The following JAM2 variants were observed in gnomAD, a reference collection of about 807,000 sequenced individuals.
JAM2 encodes junctional adhesion molecule B.
A neutral mutation model predicts 42.0 loss-of-function variants in JAM2; 17 were observed. The ratio of observed to expected loss-of-function variants is 0.40; its 90% CI spans 0.28 to 0.61. The LOEUF (loss-of-function observed/expected upper bound fraction) is 0.61. JAM2 is among the 20% of genes least tolerant of loss of function. The pLI, the probability that JAM2 is intolerant of heterozygous loss-of-function variation, is 0.37. For synonymous variants in JAM2, 118 were observed against 128.6 expected (o/e 0.92, Z 0.56); for missense variants, 319 against 358.3 (o/e 0.89, Z 0.89).
chr21:25,649,303 G>C (rs2032704182), intron 1 of JAM2, among the ~76,000 whole-genome samples: 1 of 152,194 alleles, frequency 6.6e-6, no homozygotes, highest in Non-Finnish European at 1.5e-5. Flanking sequence ...AGTTTCGCAT[G>C]GCTGGGGAGG....
chr21:25,683,781 A>G, intron 1 of JAM2, 102 bp from the exon 2 acceptor site: 1 of 785,628 alleles, frequency 1.3e-6, no homozygotes, highest in East Asian at 2.8e-5. Flanking sequence ...TAAACTTGTC[A>G]CCAAACTTTA....
intron 1 of JAM2, among the ~76,000 whole-genome samples, chr21:25,682,083 G>T (rs769518314): frequency 3.9e-5 from 6 of 152,204 alleles, no homozygotes; most frequent in Non-Finnish European, 8.8e-5. Flanking sequence ...ATACAATAAG[G>T]AATGGGCTCA....
In JAM2 at chr21:25,715,308, G is replaced by T. The variant is rs1473279594; in HGVS notation, c.*636G>T. The T allele has an allele frequency of 6.6e-6, 1 of 152,216 alleles. No homozygotes were observed. The highest frequency in any genetic ancestry group is 1.5e-5 in the Non-Finnish European group (1 of 68,040). 9.4% of individuals were successfully genotyped at this position (152,216 alleles called of 1,614,324 possible). ...CCCACAGGTGTGCACCACAGGATTT[G>T]CCTGGTGTGTGTCACTGATTTCTTC... On this transcript the variant is annotated 3_prime_UTR_variant, in exon 10 of 10. Coordinates refer to ENST00000480456, the MANE Select transcript of JAM2 (RefSeq NM_021219.4).
chr21:25,682,185 C>T (rs1029113981), intron 1 of JAM2, among the ~76,000 whole-genome samples: 1 of 152,204 alleles, frequency 6.6e-6, no homozygotes, highest in Non-Finnish European at 1.5e-5. Context: ...AGGCGACAGA[C>T]TTGCACTTGT....
intron 1 of JAM2, among the ~76,000 whole-genome samples, chr21:25,660,784 T>TATATATA (rs2033066688): frequency 1.6e-4 from 4 of 25,506 alleles, no homozygotes; most frequent in East Asian, 1.8e-3. Flanking sequence ...ATATATATAT[T>TATATATA]TTTTTTTTTT....
intron 1 of JAM2, among the ~76,000 whole-genome samples, chr21:25,657,265 C>T (rs1490267848): frequency 1.3e-5 from 2 of 152,154 alleles, no homozygotes; most frequent in Non-Finnish European, 2.9e-5. Context: ...GCTTCTGCCT[C>T]CAACTCCCAA....
At chr21:25,710,720 G>C (rs1001768289) in intron 8 of JAM2, among the ~76,000 whole-genome samples, 2 of 152,214 alleles carry the variant, frequency 1.3e-5, no homozygotes, top group Non-Finnish European at 2.9e-5. Flanking sequence ...AGCGGTGGGG[G>C]CAGATTGTAA....
Position 25,712,397 on chromosome 21 carries a change from A to G in JAM2, c.864+15A>G. ...TGAGTGAAAATGTGAGTATCTTTAAAGCATATTTATAGAATGAATATGTTT... is the reference window on the plus strand; with the variant it reads ...TGAGTGAAAATGTGAGTATCTTTAAGGCATATTTATAGAATGAATATGTTT... On this transcript the variant is annotated intron_variant, in intron 9 of 9. Coordinates refer to ENST00000480456, the MANE Select transcript of JAM2 (RefSeq NM_021219.4). 1 of 1,547,282 alleles carries G rather than the reference A, an allele frequency of 6.5e-7. No individual in the cohort carries two copies. The highest frequency in any genetic ancestry group is 1.7e-5 in the Admixed American group (1 of 59,534).
intron 1 of JAM2, among the ~76,000 whole-genome samples, chr21:25,674,895 G>A (rs1379903745): frequency 1.3e-5 from 2 of 151,620 alleles, no homozygotes; most frequent in East Asian, 1.9e-4. Context: ...TAAATACTGG[G>A]TGGCATTATT....
chr21:25,653,822 T>C (rs2032848858), intron 1 of JAM2, among the ~76,000 whole-genome samples: 1 of 152,208 alleles, frequency 6.6e-6, no homozygotes, highest in Non-Finnish European at 1.5e-5. Context: ...CTAATGAGAT[T>C]GTGCCCAAAG....
intron 1 of JAM2, among the ~76,000 whole-genome samples, chr21:25,640,832 T>C (rs549477632): frequency 1.7e-4 from 24 of 140,444 alleles, no homozygotes; most frequent in African/African-American, 5.9e-4. Flanking sequence ...TCTCTTTCTT[T>C]CTGTCTCTCT....
intron 1 of JAM2, among the ~76,000 whole-genome samples, chr21:25,662,101 A>G (rs1351695005): frequency 6.6e-6 from 1 of 152,194 alleles, no homozygotes; most frequent in Non-Finnish European, 1.5e-5. Flanking sequence ...AACCTGTAAC[A>G]TTATCAAAAA....
At chr21:25,711,489 TCTC>T in intron 8 of JAM2, 2 of 434,798 alleles carry the variant, frequency 4.6e-6, no homozygotes, top group South Asian at 3.3e-5. Context: ...CAGTTTGTCA[TCTC>T]CTAATTCCTT....
chr21:25,675,119 C>T (rs911629722), intron 1 of JAM2, among the ~76,000 whole-genome samples: 5 of 151,932 alleles, frequency 3.3e-5, no homozygotes, highest in African/African-American at 1.2e-4. Context: ...TGGAGGAAGG[C>T]GAAGGGGGCA....
intron 9 of JAM2, chr21:25,714,414 C>A (rs575668244): frequency 4.4e-6 from 2 of 455,230 alleles, no homozygotes; most frequent in South Asian, 4.5e-5. Context: ...AGGAGAATCA[C>A]TTGAACCCGG....
chr21:25,690,095 G>A (rs2033844713), intron 3 of JAM2, 122 bp downstream of exon 3: 1 of 665,884 alleles, frequency 1.5e-6, no homozygotes, highest in East Asian at 2.6e-5. Flanking sequence ...GTAAGTGTGA[G>A]ATGAAAGCAA....
At chr21:25,697,006 T>C (rs7278147) in intron 4 of JAM2, among the ~76,000 whole-genome samples, 41,344 of 147,030 alleles carry the variant, frequency 0.28, 7,758 homozygotes, top group African/African-American at 0.53. Context: ...GGCACACACC[T>C]ATTTTTTTTT....
chr21:25,656,403 T>G (rs1257575402), intron 1 of JAM2, among the ~76,000 whole-genome samples: 4 of 152,232 alleles, frequency 2.6e-5, no homozygotes, highest in Non-Finnish European at 5.9e-5. Context: ...AAAGTTCTTG[T>G]CATTAATAAC....
At chr21:25,648,174 G>GC (rs1394353879) in intron 1 of JAM2, among the ~76,000 whole-genome samples, 1 of 152,018 alleles carries the variant, frequency 6.6e-6, no homozygotes, top group African/African-American at 2.4e-5. Flanking sequence ...TTGTGCCACT[G>GC]CACTCCAGCC....
Sources: allele counts gnomAD v4.1 joint callset (sites outside exome capture counted in the v4.1 genomes callset), GRCh38; gene constraint gnomAD v4.1.1; transcripts MANE v1.5; gene names NCBI Gene and HGNC (gene_info 2026-07-23, HGNC 2026-07-21).